Variants in GRID2 observed in about 807,000 individuals in gnomAD.
GRID2 encodes glutamate ionotropic receptor delta type subunit 2.
A neutral mutation model predicts 114.8 loss-of-function variants in GRID2; 33 were observed. The observed-to-expected ratio is 0.29, with a 90% CI of 0.22 to 0.38. GRID2 has a LOEUF of 0.38. Ranked by LOEUF, GRID2 falls within the 10% of genes least tolerant of loss-of-function variation. The pLI is 1.00. For missense variants in GRID2, 1,184 were observed against 1,257.7 expected (o/e 0.94, Z 0.89); for synonymous variants, 505 against 449.9 (o/e 1.12, Z -1.55).
At chr4:92,429,232 T>C (rs1055812022) in intron 1 of GRID2, among the ~76,000 whole-genome samples, 2 of 152,180 alleles carry the variant, frequency 1.3e-5, no homozygotes, top group African/African-American at 4.8e-5. Flanking sequence ...AAATGCAGTG[T>C]CCATTATTTC....
intron 1 of GRID2, among the ~76,000 whole-genome samples, chr4:92,572,815 C>G (rs1384249481): frequency 6.6e-6 from 1 of 152,008 alleles, no homozygotes; most frequent in African/African-American, 2.4e-5. Flanking sequence ...ATTTTGGTAT[C>G]AGAATGATGA....
intron 4 of GRID2, among the ~76,000 whole-genome samples, chr4:93,184,020 GA>G (rs1740153562): frequency 6.6e-6 from 1 of 152,154 alleles, no homozygotes; most frequent in African/African-American, 2.4e-5. Flanking sequence ...AGGGCGATTA[GA>G]AAAGGAGCAG....
intron 8 of GRID2, among the ~76,000 whole-genome samples, chr4:93,393,928 T>A (rs1429954110): frequency 6.6e-6 from 1 of 152,022 alleles, no homozygotes; most frequent in Non-Finnish European, 1.5e-5. Flanking sequence ...CAAGATTATA[T>A]CTTAAAAGCT....
intron 13 of GRID2, among the ~76,000 whole-genome samples, chr4:93,565,148 A>G (rs568950211): frequency 6.6e-6 from 1 of 152,170 alleles, no homozygotes; most frequent in Non-Finnish European, 1.5e-5. Context: ...TCTTAAAAGT[A>G]TAACAATAGC....
intron 2 of GRID2, among the ~76,000 whole-genome samples, chr4:92,842,497 T>C (rs1169537546): frequency 6.6e-6 from 1 of 152,196 alleles, no homozygotes; most frequent in Non-Finnish European, 1.5e-5. Flanking sequence ...TTTTGTGTTA[T>C]TCTATTATTT....
At chr4:92,915,447 T>A (rs1425068554) in intron 2 of GRID2, among the ~76,000 whole-genome samples, 1 of 152,152 alleles carries the variant, frequency 6.6e-6, no homozygotes, top group African/African-American at 2.4e-5. Context: ...TATGCTAGTG[T>A]ACTTATTTTG....
chr4:92,883,858 G>A (rs1746187727), intron 2 of GRID2, among the ~76,000 whole-genome samples: 2 of 152,278 alleles, frequency 1.3e-5, no homozygotes, highest in Non-Finnish European at 1.5e-5. Context: ...ATGAAGAATA[G>A]GTTAGTATAA....
rs1737975757 is a variant in GRID2, at chr4:92,760,854, G to A, written c.244+170568G>A. ...TCTTTAAAAATATACAGATAGCTAT[G>A]AATACACTTCATCTTGAGGCTCTAA... On this transcript the variant is annotated intron_variant, in intron 2 of 15. Coordinates refer to ENST00000282020, the MANE Select transcript of GRID2 (RefSeq NM_001510.4). Among the ~76,000 whole-genome samples, 7 of 152,238 alleles carry A rather than the reference G, an allele frequency of 4.6e-5. No individual in the cohort carries two copies. The South Asian group carries it at 1.5e-3, about 32-fold the overall frequency.
chr4:93,401,072 A>G (rs954519884), intron 9 of GRID2, among the ~76,000 whole-genome samples: 9 of 151,996 alleles, frequency 5.9e-5, no homozygotes, highest in African/African-American at 2.2e-4. Flanking sequence ...GCCTCAAGTA[A>G]TCCTCCCAAA....
At chr4:92,605,432 TA>T (rs1016519219) in intron 2 of GRID2, among the ~76,000 whole-genome samples, 33 of 152,188 alleles carry the variant, frequency 2.2e-4, no homozygotes, top group African/African-American at 7.7e-4. Flanking sequence ...TATAGTCTAC[TA>T]GGGGCAATAT....
At chr4:93,297,140 G>A (rs553401524) in intron 8 of GRID2, among the ~76,000 whole-genome samples, 28 of 152,252 alleles carry the variant, frequency 1.8e-4, no homozygotes, top group African/African-American at 5.8e-4. Context: ...TTTTTGTCCT[G>A]TAATCCATGA....
chr4:92,663,806 C>G (rs960155124), intron 2 of GRID2, among the ~76,000 whole-genome samples: 37 of 150,936 alleles, frequency 2.5e-4, no homozygotes, highest in African/African-American at 9.0e-4. Flanking sequence ...TCCTCCTGTC[C>G]CTGCAGCACC....
At chr4:93,536,395 A>C (rs532577296) in intron 13 of GRID2, among the ~76,000 whole-genome samples, 3 of 151,880 alleles carry the variant, frequency 2.0e-5, no homozygotes, top group Non-Finnish European at 4.4e-5. Flanking sequence ...CCCAGAAATA[A>C]ACCAATGCAT....
chr4:93,438,588 A>T (rs1250842221), intron 10 of GRID2, among the ~76,000 whole-genome samples: 1 of 152,126 alleles, frequency 6.6e-6, no homozygotes, highest in Non-Finnish European at 1.5e-5. Flanking sequence ...TTTTTCAACA[A>T]TCTAGGGAGG....
At chr4:93,578,883 G>A (rs1022256817) in intron 13 of GRID2, among the ~76,000 whole-genome samples, 13 of 152,086 alleles carry the variant, frequency 8.5e-5, no homozygotes, top group African/African-American at 2.4e-4. Flanking sequence ...GTGAGCCACC[G>A]CACCCGGCTG....
At chr4:92,441,425 A>C (rs1165468448) in intron 1 of GRID2, among the ~76,000 whole-genome samples, 1 of 152,136 alleles carries the variant, frequency 6.6e-6, no homozygotes, top group Non-Finnish European at 1.5e-5. Context: ...TAAGGGGCAA[A>C]GGAATAGTAA....
chr4:93,115,127 AT>A lies in GRID2; in HGVS notation c.735+4175del, dbSNP rs1733117547. Among the ~76,000 whole-genome samples the A allele has an allele frequency of 2.0e-5, 3 of 148,150 alleles. No individual in the cohort carries two copies. In the South Asian group the frequency reaches 6.5e-4, roughly 32 times the overall value. On this transcript the variant is annotated intron_variant, in intron 4 of 15. Transcript: ENST00000282020. ...GTGTGTGTGTGTGTGTGTGTGTATG[AT>A]ATATGAACAGAATTAAAAAATCAAA... is the stretch of plus-strand genomic sequence containing the variant.
At chr4:92,996,025 C>T (rs1355080895) in intron 2 of GRID2, among the ~76,000 whole-genome samples, 1 of 151,848 alleles carries the variant, frequency 6.6e-6, no homozygotes, top group Admixed American at 6.6e-5. Context: ...CACAGTGGCT[C>T]ATGCCTGTAA....
At chr4:93,804,127 C>T (rs1187625673) in intron 1 of GRID2, among the ~76,000 whole-genome samples, 2 of 152,132 alleles carry the variant, frequency 1.3e-5, no homozygotes, top group Non-Finnish European at 2.9e-5. Flanking sequence ...TCAAGGTGTT[C>T]CTTAGGATCT....
Sources: allele counts gnomAD v4.1 joint callset (sites outside exome capture counted in the v4.1 genomes callset), GRCh38; gene constraint gnomAD v4.1.1; transcripts MANE v1.5; gene names NCBI Gene and HGNC (gene_info 2026-07-23, HGNC 2026-07-21).